Variants in EBF3 observed in about 807,000 individuals in gnomAD.
EBF3 encodes transcription factor COE3.
EBF3 carries 18 observed loss-of-function variants against 77.1 expected under a neutral mutation model. That is an observed-to-expected ratio of 0.23 (90% CI 0.16 to 0.35). The LOEUF (loss-of-function observed/expected upper bound fraction) is 0.35, where lower values mean the gene tolerates loss of function less well. EBF3 is among the 10% of genes least tolerant of loss of function. EBF3 has a pLI of 1.00. For missense variants in EBF3, 558 were observed against 860.0 expected (o/e 0.65, Z 4.39); for synonymous variants, 350 against 343.5 (o/e 1.02, Z -0.21).
intron 7 of EBF3, 94 bp from the exon 8 acceptor site, chr10:129,873,690 C>A: frequency 7.7e-7 from 1 of 1,297,496 alleles, no homozygotes; most frequent in Non-Finnish European, 1.0e-6. Flanking sequence ...TACTGCAGAG[C>A]ACAAGGAAAT....
At position 129,930,473 on chromosome 10, in the gene EBF3, A is replaced by C. The variant is rs536950646; in HGVS notation, c.554+26785T>G. Among the ~76,000 whole-genome samples, 569 of 150,134 alleles carry C rather than the reference A, an allele frequency of 3.8e-3. 3 individuals carry two copies. The highest frequency in any genetic ancestry group is 0.018 in the South Asian group (84 of 4,704). Reference sequence around the variant, plus strand: ...TATATCTGTCTATGTCTATCTCTATATTAACAAATCCCCCTCTCATATATC... The same window carrying C: ...TATATCTGTCTATGTCTATCTCTATCTTAACAAATCCCCCTCTCATATATC... On this transcript the variant is annotated intron_variant, in intron 6 of 16. Coordinates refer to ENST00000440978, the MANE Select transcript of EBF3 (RefSeq NM_001375380.1).
intron 6 of EBF3, among the ~76,000 whole-genome samples, chr10:129,908,399 A>G (rs1471979459): frequency 2.0e-5 from 3 of 152,222 alleles, no homozygotes; most frequent in African/African-American, 7.2e-5. Flanking sequence ...CTAAATACCC[A>G]TTAGATGTTG....
chr10:129,898,901 C>T (rs1046824135), intron 6 of EBF3, among the ~76,000 whole-genome samples: 1 of 152,352 alleles, frequency 6.6e-6, no homozygotes, highest in Admixed American at 6.5e-5. Context: ...CCCCTCTGCA[C>T]GGCTATTAAT....
chr10:129,963,405 C>A lies in EBF3; in HGVS notation c.253G>T (p.Glu85Ter). The change falls in exon 2 of 17, where the codon GAA (glutamate) becomes TAA (stop). Residue 85 changes from glutamate (E) to a stop codon, truncating the protein, a stop_gained. Coordinates refer to ENST00000440978, the MANE Select transcript of EBF3 (RefSeq NM_001375380.1). LOFTEE classifies it high-confidence loss of function. The surrounding 1 kb of genome is among the most constrained non-coding windows in gnomAD (Gnocchi z 7.1). Reference protein sequence around the residue: ...YDRQGQPVEIERTAFVDFVEK... With the variant: ...YDRQGQPVEI The stretch of plus-strand genomic sequence containing the variant: ...ACAAAGTCCACAAAAGCGGTCCTTT[C>A]AATCTCCACCGGCTGCCCCTGCCTA... 6.3e-7 allele frequency: 1 copy of A among 1,592,078 alleles called. No homozygotes were observed. Among genetic ancestry groups the A allele is most frequent in the African/African-American group, 1.4e-5 (1 of 72,910 alleles).
intron 6 of EBF3, among the ~76,000 whole-genome samples, chr10:129,917,681 T>TAAAAAAAAAAAAAAAA (rs1239226466): frequency 2.0e-3 from 122 of 60,350 alleles, no homozygotes; most frequent in African/African-American, 2.5e-3. Context: ...AAAAAAAAAC[T>TAAAAAAAAAAAAAAAA]AAAACCAAGC....
Position 129,840,276 on chromosome 10 carries a change from G to GGAA in EBF3, c.1725_1727dup (p.Ser576dup). ...GTCCATTCCCGTTGGCGCTGGTGCA[G>GGAA]GAAGGAGGAGGAGAGGCTTGGGGCC... is the stretch of plus-strand genomic sequence containing the variant. On this transcript the variant is annotated inframe_insertion, in exon 15 of 17. Coordinates refer to ENST00000440978, the MANE Select transcript of EBF3 (RefSeq NM_001375380.1). 1 of 1,590,664 alleles carries GGAA rather than the reference G, an allele frequency of 6.3e-7. No individual in the cohort carries two copies. The highest frequency in any genetic ancestry group is 8.6e-7 in the Non-Finnish European group (1 of 1,168,230).
chr10:129,855,249 C>A (rs1478542033), intron 10 of EBF3, among the ~76,000 whole-genome samples: 1 of 152,186 alleles, frequency 6.6e-6, no homozygotes, highest in Non-Finnish European at 1.5e-5. Flanking sequence ...CCCAACCGGG[C>A]CTCGTGCACA....
rs1040930789 is a variant in EBF3 at position 129,842,746 on chromosome 10, A to G, written c.1194+391T>C. 6.9e-6 allele frequency among the ~76,000 whole-genome samples: 1 copy of G among 145,302 alleles called. No individual in the cohort carries two copies. The highest frequency in any genetic ancestry group is 1.5e-5 in the Non-Finnish European group (1 of 66,816). ...CCTACTGCACTCCAGCCTGGGTGAC[A>G]GAGCAAGACCCTGTCTAAAAAAAAA... On this transcript the variant is annotated intron_variant, in intron 12 of 16. Coordinates refer to ENST00000440978, the MANE Select transcript of EBF3 (RefSeq NM_001375380.1). The surrounding 1 kb of genome is among the most constrained non-coding windows in gnomAD (Gnocchi z 4.4).
chr10:129,872,934 T>TA lies in EBF3; in HGVS notation c.781+517dup, dbSNP rs756555511. The stretch of plus-strand genomic sequence containing the variant: ...AGTCAATCAATTGAAAGCATTTGGT[T>TA]AAAAAAAAAAACGTATGCTGGTTGG... On this transcript the variant is annotated intron_variant, in intron 8 of 16. Coordinates refer to ENST00000440978, the MANE Select transcript of EBF3 (RefSeq NM_001375380.1). Among the ~76,000 whole-genome samples the TA allele has an allele frequency of 3.8e-3, 556 of 146,966 alleles. 2 individuals carry two copies. The highest frequency in any genetic ancestry group is 0.012 in the African/African-American group (465 of 40,376).
At chr10:129,886,622 T>C (rs1853605998) in intron 6 of EBF3, among the ~76,000 whole-genome samples, 1 of 152,196 alleles carries the variant, frequency 6.6e-6, no homozygotes, top group Non-Finnish European at 1.5e-5. Flanking sequence ...ACAGATTATC[T>C]GTTCTGCGGC....
At chr10:129,942,458 C>T (rs1436501962) in intron 6 of EBF3, among the ~76,000 whole-genome samples, 1 of 152,224 alleles carries the variant, frequency 6.6e-6, no homozygotes, top group Non-Finnish European at 1.5e-5. Context: ...CCACTGTGTT[C>T]ACCTACCCAG....
chr10:129,921,509 T>C (rs1045036724), intron 6 of EBF3, among the ~76,000 whole-genome samples: 5 of 152,170 alleles, frequency 3.3e-5, no homozygotes, highest in Admixed American at 3.3e-4. Context: ...CTGTGGAGGT[T>C]TGGCCCCAGG....
chr10:129,894,767 A>G (rs1429075890), intron 6 of EBF3, among the ~76,000 whole-genome samples: 1 of 152,196 alleles, frequency 6.6e-6, no homozygotes, highest in East Asian at 1.9e-4. Flanking sequence ...ATTTGTCAAC[A>G]TCATCTGTTT....
At chr10:129,926,306 T>TC (rs1017726555) in intron 6 of EBF3, among the ~76,000 whole-genome samples, 2 of 151,260 alleles carry the variant, frequency 1.3e-5, no homozygotes, top group African/African-American at 4.9e-5. Context: ...GGGAAGGGAG[T>TC]CCCCCTTCCT....
At position 129,842,040 on chromosome 10, in the gene EBF3, G is replaced by C; in HGVS notation, c.1372+76C>G. 1 of 1,586,050 alleles carries C rather than the reference G, an allele frequency of 6.3e-7. No homozygotes were observed. The highest frequency in any genetic ancestry group is 8.6e-7 in the Non-Finnish European group (1 of 1,159,326). ...ACATTCCCCAGCTGGCCCTGGACAC[G>C]TGCCTCTTCAGCTAAGGCCTCAACC... On this transcript the variant is annotated intron_variant, in intron 13 of 16. Transcript: ENST00000440978. The surrounding 1 kb of genome is among the most constrained non-coding windows in gnomAD (Gnocchi z 4.4).
chr10:129,883,854 C>T (rs78479414), intron 6 of EBF3, among the ~76,000 whole-genome samples: 2,279 of 152,184 alleles, frequency 0.015, 63 homozygotes, highest in African/African-American at 0.052. Flanking sequence ...GATGGTTGCA[C>T]AACCTTGTGA....
In EBF3 at chr10:129,879,761, C is replaced by T. The variant is rs1268216225; in HGVS notation, c.555-1912G>A. Among the ~76,000 whole-genome samples, 3 of 152,192 alleles carry T rather than the reference C, an allele frequency of 2.0e-5. No individual in the cohort carries two copies. The highest frequency in any genetic ancestry group is 4.4e-5 in the Non-Finnish European group (3 of 68,034). The stretch of plus-strand genomic sequence containing the variant: ...CAATTAAACTCCACACGTTCCGCAG[C>T]GAGGTAAATGAGGCGCACCTGCGGC... On this transcript the variant is annotated intron_variant, in intron 6 of 16. Coordinates refer to ENST00000440978, the MANE Select transcript of EBF3 (RefSeq NM_001375380.1). This position sits in a 1 kb window ranked among gnomAD's most constrained non-coding sequence, Gnocchi z 4.7.
In EBF3 at chr10:129,963,549, C is replaced by A. The variant is rs777514645; in HGVS notation, c.135-26G>T. 1.0e-5 allele frequency: 15 copies of A among 1,436,102 alleles called. No individual in the cohort carries two copies. The highest frequency in any genetic ancestry group is 1.4e-5 in the Non-Finnish European group (15 of 1,086,786). The allele number at this position is 1,436,102 out of a possible 1,614,324, so 89.0% of individuals were successfully genotyped here. On this transcript the variant is annotated intron_variant, in intron 1 of 16. Transcript: ENST00000440978. The surrounding 1 kb of genome is among the most constrained non-coding windows in gnomAD (Gnocchi z 7.1). ...CTGCGGGAGGAAAGAGACAGCGGCC[C>A]GGTGAGGAGCGCGGCGCCGGCCGGC...
intron 6 of EBF3, among the ~76,000 whole-genome samples, chr10:129,927,163 G>A (rs1011334202): frequency 3.9e-5 from 6 of 152,290 alleles, no homozygotes; most frequent in East Asian, 1.9e-4. Context: ...GCTCCCGGGC[G>A]ATGGGGACAA....
Sources: gnomAD v4.1 joint callset for allele counts (sites outside exome capture counted in the v4.1 genomes callset) on GRCh38, gnomAD v4.1.1 for gene constraint, Gnocchi (gnomAD v3.1) non-coding constraint, MANE v1.5 for transcripts, NCBI Gene and HGNC (gene_info 2026-07-23, HGNC 2026-07-21) for gene names.